Variants in PLCH1 observed in about 807,000 individuals in gnomAD.
The protein encoded by PLCH1 is 1-phosphatidylinositol 4,5-bisphosphate phosphodiesterase eta-1.
In PLCH1, 60 loss-of-function variants were observed where a neutral mutation model predicts 126.7. The observed-to-expected ratio is 0.47, with a 90% CI of 0.38 to 0.59. The LOEUF is 0.59. Ranked by LOEUF, PLCH1 falls within the 20% of genes least tolerant of loss-of-function variation. The pLI is 0.00. For missense variants in PLCH1, 1,723 were observed against 2,040.0 expected, an observed-to-expected ratio of 0.84 and a Z score of 2.99; for synonymous variants, 719 against 734.9, an observed-to-expected ratio of 0.98 and a Z score of 0.35.
At chr3:155,662,614 A>G (rs1248614053) in intron 2 of PLCH1, among the ~76,000 whole-genome samples, 1 of 152,050 alleles carries the variant, frequency 6.6e-6, no homozygotes, top group African/African-American at 2.4e-5. Context: ...CCCCAGTGGG[A>G]TCTCTAAATT....
chr3:155,577,027 T>A (rs1411767735), intron 6 of PLCH1, among the ~76,000 whole-genome samples: 1 of 152,196 alleles, frequency 6.6e-6, no homozygotes, highest in Non-Finnish European at 1.5e-5. Flanking sequence ...TATTTTTTAA[T>A]CTTTACTAAT....
intron 7 of PLCH1, among the ~76,000 whole-genome samples, chr3:155,567,222 G>A (rs144770323): frequency 0.051 from 7,700 of 152,020 alleles, 240 homozygotes; most frequent in Middle Eastern, 0.1. Context: ...ACAGGCATGC[G>A]CCACCATGCC....
At chr3:155,528,074 A>C (rs1022301825) in intron 10 of PLCH1, among the ~76,000 whole-genome samples, 4 of 151,592 alleles carry the variant, frequency 2.6e-5, no homozygotes, top group African/African-American at 4.9e-5. Flanking sequence ...AAATACAAAA[A>C]TTAGCCAGGC....
At chr3:155,621,060 G>C (rs1251063361) in intron 2 of PLCH1, among the ~76,000 whole-genome samples, 1 of 152,186 alleles carries the variant, frequency 6.6e-6, no homozygotes, top group Non-Finnish European at 1.5e-5. Flanking sequence ...GCTTCCAGAG[G>C]AAGGAACAGG....
At chr3:155,679,557 T>C (rs1471356418) in intron 2 of PLCH1, among the ~76,000 whole-genome samples, 1 of 152,198 alleles carries the variant, frequency 6.6e-6, no homozygotes, top group Non-Finnish European at 1.5e-5. Context: ...TTTAAAATGT[T>C]CTATACAACC....
intron 1 of PLCH1, among the ~76,000 whole-genome samples, chr3:155,711,759 C>T (rs991749159): frequency 6.6e-6 from 1 of 152,188 alleles, no homozygotes; most frequent in African/African-American, 2.4e-5. Flanking sequence ...TATAGGAGAT[C>T]CACACGGCCT....
intron 8 of PLCH1, among the ~76,000 whole-genome samples, chr3:155,559,872 A>G (rs1727346352): frequency 6.6e-6 from 1 of 152,242 alleles, no homozygotes; most frequent in Non-Finnish European, 1.5e-5. Flanking sequence ...CTCCCATTTT[A>G]GAATTAAAAG....
At chr3:155,539,194 A>G (rs1723875054) in intron 10 of PLCH1, among the ~76,000 whole-genome samples, 1 of 152,214 alleles carries the variant, frequency 6.6e-6, no homozygotes, top group Non-Finnish European at 1.5e-5. Flanking sequence ...GCATTTAACA[A>G]AATCCAGCAT....
At chr3:155,465,278 C>T (rs777559175) in intron 21 of PLCH1, among the ~76,000 whole-genome samples, 3 of 152,024 alleles carry the variant, frequency 2.0e-5, no homozygotes, top group African/African-American at 7.2e-5. Flanking sequence ...GACTGTCTTA[C>T]ATCTAGGATA....
chr3:155,683,723 C>T lies in PLCH1; in HGVS notation c.79+20423G>A, dbSNP rs78760436. 3.0e-3 allele frequency among the ~76,000 whole-genome samples: 454 copies of T among 152,288 alleles called. 2 individuals carry two copies. The highest frequency in any genetic ancestry group is 0.01 in the African/African-American group (423 of 41,556). On this transcript the variant is annotated intron_variant, in intron 2 of 22. Coordinates refer to ENST00000460012, the MANE Select transcript of PLCH1 (RefSeq NM_014996.4). ...TAGAGATAGGTAGTCACACGGGAAT[C>T]TCTCATGGTTGTTGACAGTGACATA...
At chr3:155,593,798 G>C in intron 4 of PLCH1, 143 bp downstream of exon 4, 1 of 731,134 alleles carries the variant, frequency 1.4e-6, no homozygotes, top group Non-Finnish European at 2.2e-6. Context: ...AGTCAGGAGG[G>C]GAGAAGACGG....
chr3:155,651,268 G>A (rs137933028), intron 2 of PLCH1, among the ~76,000 whole-genome samples: 214 of 152,290 alleles, frequency 1.4e-3, no homozygotes, highest in African/African-American at 5.0e-3. Flanking sequence ...ATGAATGCCT[G>A]TTATAGCATT....
rs1191327974 is a variant in PLCH1, at chr3:155,704,165, C to T, written c.60G>A (p.Val20=). ...NCVQYRRHFL[V]DNSVFHVERC... is the part of the protein sequence containing the mutation. Reference sequence around the variant, plus strand: ...GCTTACCATGAAACACACTGTTGTCCACCAGAAAATGCCTGCGGTACTGCA... The same window carrying T: ...GCTTACCATGAAACACACTGTTGTCTACCAGAAAATGCCTGCGGTACTGCA... The change falls in exon 2 of 23, where the codon GTG becomes GTA. Residue 20 remains valine (V), a synonymous_variant. Coordinates refer to ENST00000460012, the MANE Select transcript of PLCH1 (RefSeq NM_014996.4). 4 of 1,224,768 alleles carry T rather than the reference C, an allele frequency of 3.3e-6. No individual in the cohort carries two copies. Among genetic ancestry groups the T allele is most frequent in the Non-Finnish European group, 4.1e-6 (4 of 981,748 alleles). The allele number at this position is 1,224,768 out of a possible 1,614,324, so 75.9% of individuals were successfully genotyped here.
At chr3:155,557,450 T>C (rs140424290) in intron 8 of PLCH1, among the ~76,000 whole-genome samples, 4,259 of 152,274 alleles carry the variant, frequency 0.028, 82 homozygotes, top group Middle Eastern at 0.058. Context: ...AAGAAGGCAC[T>C]CTTTGGCTAG....
At chr3:155,506,598 C>T (rs1390803777) in intron 12 of PLCH1, among the ~76,000 whole-genome samples, 9 of 132,146 alleles carry the variant, frequency 6.8e-5, no homozygotes, top group Admixed American at 2.4e-4. Flanking sequence ...TGAGAATATG[C>T]GGTGTTTGGT....
intron 2 of PLCH1, among the ~76,000 whole-genome samples, chr3:155,662,968 T>G (rs1297963285): frequency 6.6e-6 from 1 of 152,166 alleles, no homozygotes; most frequent in Non-Finnish European, 1.5e-5. Flanking sequence ...CCAGTTCAGG[T>G]TTATGTATTT....
At chr3:155,666,388 C>G (rs778665243) in intron 2 of PLCH1, among the ~76,000 whole-genome samples, 24 of 152,138 alleles carry the variant, frequency 1.6e-4, no homozygotes, top group Non-Finnish European at 3.1e-4. Context: ...CACAGTTACT[C>G]AAGTTTTTAG....
At chr3:155,608,716 A>C (rs1560240187) in intron 2 of PLCH1, among the ~76,000 whole-genome samples, 1 of 152,066 alleles carries the variant, frequency 6.6e-6, no homozygotes, top group African/African-American at 2.4e-5. Context: ...GGAGAGTCTG[A>C]GCTCAGACCC....
At chr3:155,559,017 A>G (rs910499660) in intron 8 of PLCH1, among the ~76,000 whole-genome samples, 5 of 151,936 alleles carry the variant, frequency 3.3e-5, no homozygotes, top group African/African-American at 1.2e-4. Flanking sequence ...TTTAATGCCA[A>G]CCTCTCCTCT....
Sources: allele counts gnomAD v4.1 joint callset (sites outside exome capture counted in the v4.1 genomes callset), GRCh38; gene constraint gnomAD v4.1.1; transcripts MANE v1.5; gene names NCBI Gene and HGNC (gene_info 2026-07-23, HGNC 2026-07-21).